Variants in ARRB1 observed in about 807,000 individuals in gnomAD.
ARRB1 encodes beta-arrestin-1.
In ARRB1, 21 loss-of-function variants were observed where a neutral mutation model predicts 56.8. The ratio of observed to expected loss-of-function variants is 0.37; its 90% CI spans 0.26 to 0.53. The LOEUF (loss-of-function observed/expected upper bound fraction) is 0.53, where lower values mean the gene tolerates loss of function less well. Ranked by LOEUF, ARRB1 falls within the 20% of genes least tolerant of loss-of-function variation. The pLI is 0.88. For synonymous variants in ARRB1, 210 were observed against 218.6 expected (o/e 0.96, Z 0.35); for missense variants, 424 against 553.7 (o/e 0.77, Z 2.35).
chr11:75,268,488 G>C (rs1294009136), intron 14 of ARRB1, among the ~76,000 whole-genome samples: 3 of 119,862 alleles, frequency 2.5e-5, no homozygotes, highest in Non-Finnish European at 4.9e-5. Context: ...CTGGGCAACA[G>C]AGTGAGACTG....
At chr11:75,290,729 A>T (rs541494039) in intron 1 of ARRB1, among the ~76,000 whole-genome samples, 1 of 152,206 alleles carries the variant, frequency 6.6e-6, no homozygotes, top group Admixed American at 6.5e-5. Flanking sequence ...CCACAGGCAC[A>T]CGCCACCACC....
At chr11:75,275,293 C>T (rs552785564) in intron 10 of ARRB1, among the ~76,000 whole-genome samples, 10 of 151,618 alleles carry the variant, frequency 6.6e-5, no homozygotes, top group South Asian at 2.1e-4. Context: ...ATCACAGGGG[C>T]GCGCCACCAT....
intron 1 of ARRB1, 56 bp downstream of exon 1, chr11:75,351,532 G>A: frequency 1.3e-6 from 2 of 1,497,794 alleles, no homozygotes; most frequent in East Asian, 5.7e-5. Context: ...CCCCGCCCGT[G>A]TCCTCGCCGA....
intron 4 of ARRB1, 87 bp downstream of exon 4, chr11:75,284,148 G>T: frequency 7.3e-7 from 1 of 1,366,136 alleles, no homozygotes; most frequent in Non-Finnish European, 1.0e-6. Context: ...GGGAACCAGT[G>T]GGGATGGGCA....
chr11:75,303,738 G>A (rs1946959213), intron 1 of ARRB1: 1 of 454,908 alleles, frequency 2.2e-6, no homozygotes, highest in Admixed American at 2.4e-5. Flanking sequence ...TGTGTGATGT[G>A]CCCAGTTCCG....
At chr11:75,337,563 T>C (rs1203476340) in intron 1 of ARRB1, among the ~76,000 whole-genome samples, 3 of 151,996 alleles carry the variant, frequency 2.0e-5, no homozygotes, top group Admixed American at 2.0e-4. Context: ...AGTCAGGAGC[T>C]GGGAGTCCAA....
chr11:75,337,601 A>C (rs969132841), intron 1 of ARRB1, among the ~76,000 whole-genome samples: 4 of 151,950 alleles, frequency 2.6e-5, no homozygotes, highest in African/African-American at 9.7e-5. Flanking sequence ...TTTGCCCTCG[A>C]GCAGAGAGGG....
chr11:75,331,451 A>G (rs1947517830), intron 1 of ARRB1, among the ~76,000 whole-genome samples: 1 of 152,150 alleles, frequency 6.6e-6, no homozygotes, highest in Non-Finnish European at 1.5e-5. Flanking sequence ...GCACGTATAC[A>G]TCCAGATGGC....
chr11:75,266,151 G>A lies in ARRB1; in HGVS notation c.*12C>T. ...GTGGAGCCGGAGCCACGTGGAGGCA[G>A]GGCCGGCCCGTCTATCTGTTGTTGA... On this transcript the variant is annotated 3_prime_UTR_variant, in exon 16 of 16. Transcript: ENST00000420843. 1 of 1,610,696 alleles carries A rather than the reference G, an allele frequency of 6.2e-7. No homozygotes were observed. The highest frequency in any genetic ancestry group is 8.5e-7 in the Non-Finnish European group (1 of 1,176,904).
chr11:75,310,380 C>T (rs1463008726), intron 1 of ARRB1, among the ~76,000 whole-genome samples: 2 of 152,136 alleles, frequency 1.3e-5, no homozygotes, highest in Non-Finnish European at 2.9e-5. Context: ...CCATCCAGGG[C>T]CCTGCCTCTG....
At chr11:75,277,343 C>T in intron 9 of ARRB1, 21 bp downstream of exon 9, 1 of 1,610,518 alleles carries the variant, frequency 6.2e-7, no homozygotes, top group Non-Finnish European at 8.5e-7. Flanking sequence ...GTCCCCTAAG[C>T]TGACCCTCTG....
chr11:75,314,157 C>T (rs1947222217), intron 1 of ARRB1, among the ~76,000 whole-genome samples: 1 of 152,214 alleles, frequency 6.6e-6, no homozygotes, highest in Non-Finnish European at 1.5e-5. Context: ...GTCCCACCAG[C>T]CTGGGGCCCC....
intron 1 of ARRB1, among the ~76,000 whole-genome samples, chr11:75,310,143 A>G (rs1947125099): frequency 6.6e-6 from 1 of 152,072 alleles, no homozygotes; most frequent in African/African-American, 2.4e-5. Flanking sequence ...CGATGTGGGG[A>G]GCAATGGGGA....
At chr11:75,336,985 T>C (rs534446357) in intron 1 of ARRB1, among the ~76,000 whole-genome samples, 1 of 152,330 alleles carries the variant, frequency 6.6e-6, no homozygotes, top group South Asian at 2.1e-4. Flanking sequence ...ATTATGGAGA[T>C]AGAAAAAGAT....
chr11:75,263,903 G>A lies in ARRB1; in HGVS notation c.*2260C>T, dbSNP rs887544710. 1.2e-4 allele frequency among the ~76,000 whole-genome samples: 18 copies of A among 152,214 alleles called. No individual in the cohort carries two copies. Among genetic ancestry groups the A allele is most frequent in the African/African-American group, 4.3e-4 (18 of 41,452 alleles). On this transcript the variant is annotated 3_prime_UTR_variant, in exon 16 of 16. Transcript: ENST00000420843. ...TTCCATGCATGAGTTAGGGATAGGG[G>A]AAGAAGTCTGCAGGAAAGAGGTCAT...
intron 1 of ARRB1, among the ~76,000 whole-genome samples, chr11:75,310,577 T>C (rs1947135131): frequency 6.6e-6 from 1 of 152,182 alleles, no homozygotes; most frequent in Admixed American, 6.5e-5. Context: ...GTGTGGTGGA[T>C]GAGCTTACGG....
In ARRB1 at chr11:75,274,170, G is replaced by A; in HGVS notation, c.818C>T (p.Thr273Ile). The change falls in exon 11 of 16, where the codon ACA (threonine) becomes ATA (isoleucine). Residue 273 changes from threonine (T) to isoleucine (I), a missense_variant. Thr to Ile is a moderately conservative substitution (Grantham distance 89). This residue lies in a region of ARRB1 where 301 missense variants were observed against 387.9 expected (regional missense o/e 0.78). Coordinates refer to ENST00000420843, the MANE Select transcript of ARRB1 (RefSeq NM_004041.5). Reference sequence around the variant, plus strand: ...GTTATTGGCTAGGAAGGGGGTCAGTGTGTAGACCTTGCAGAACGTCGAGCT... The same window carrying A: ...GTTATTGGCTAGGAAGGGGGTCAGTATGTAGACCTTGCAGAACGTCGAGCT... ...APSSTFCKVY[T>I]LTPFLANNRE... 6.2e-7 allele frequency: 1 copy of A among 1,614,222 alleles called. No individual in the cohort carries two copies. The highest frequency in any genetic ancestry group is 8.5e-7 in the Non-Finnish European group (1 of 1,180,032).
intron 5 of ARRB1, among the ~76,000 whole-genome samples, chr11:75,282,452 G>A (rs1034737727): frequency 6.6e-6 from 1 of 152,196 alleles, no homozygotes; most frequent in Non-Finnish European, 1.5e-5. Flanking sequence ...GAAGCAGGGG[G>A]CAGAAATGTC....
chr11:75,331,786 T>G (rs545936318), intron 1 of ARRB1, among the ~76,000 whole-genome samples: 1 of 151,898 alleles, frequency 6.6e-6, no homozygotes, highest in Non-Finnish European at 1.5e-5. Flanking sequence ...TCACACGGAC[T>G]CGAGTGAAAC....
Sources: allele counts gnomAD v4.1 joint callset (sites outside exome capture counted in the v4.1 genomes callset), GRCh38; gene constraint gnomAD v4.1.1; regional missense constraint gnomAD v4.1.1; transcripts MANE v1.5; gene names NCBI Gene and HGNC (gene_info 2026-07-23, HGNC 2026-07-21).